Variants in TAFA4 observed in about 807,000 individuals in gnomAD.
TAFA4 encodes the protein chemokine-like protein TAFA-4.
Under a neutral mutation model 21.1 loss-of-function variants are expected in TAFA4, and 20 were observed. The ratio of observed to expected loss-of-function variants is 0.95; its 90% CI spans 0.67 to 1.38. The LOEUF is 1.38. Ranked by LOEUF, TAFA4 falls within the 40% of genes most tolerant of loss-of-function variation. The pLI is 0.00. For missense variants in TAFA4, 211 were observed against 180.9 expected (o/e 1.17, Z -0.95); for synonymous variants, 71 against 67.4 (o/e 1.05, Z -0.26).
chr3:68,862,288 TAAGTGCATAAAACAA>T (rs2089355384), intron 3 of TAFA4, among the ~76,000 whole-genome samples: 1 of 152,152 alleles, frequency 6.6e-6, no homozygotes, highest in Non-Finnish European at 1.5e-5. Flanking sequence ...ACACATATTG[TAAGTGCATAAAACAA>T]AATTCATAGG....
At chr3:68,759,587 TA>T (rs1702723540) in intron 3 of TAFA4, among the ~76,000 whole-genome samples, 1 of 152,182 alleles carries the variant, frequency 6.6e-6, no homozygotes. Context: ...ATTTTTCCTC[TA>T]AAACAGCAGG....
chr3:68,751,413 G>A (rs1702555300), intron 4 of TAFA4, among the ~76,000 whole-genome samples: 1 of 152,158 alleles, frequency 6.6e-6, no homozygotes, highest in Admixed American at 6.5e-5. Context: ...ACGTAGCAGT[G>A]GGGATGGAGA....
At chr3:68,827,909 G>C (rs1704290629) in intron 3 of TAFA4, among the ~76,000 whole-genome samples, 1 of 152,088 alleles carries the variant, frequency 6.6e-6, no homozygotes, top group African/African-American at 2.4e-5. Flanking sequence ...GTCAAGTTTG[G>C]CTTTTGTTGC....
At chr3:68,860,009 T>A (rs2089312843) in intron 3 of TAFA4, among the ~76,000 whole-genome samples, 1 of 152,132 alleles carries the variant, frequency 6.6e-6, no homozygotes, top group Non-Finnish European at 1.5e-5. Context: ...CATCTTAGAC[T>A]GGGGAGTTGG....
intron 4 of TAFA4, among the ~76,000 whole-genome samples, chr3:68,749,650 C>T (rs1001557922): frequency 1.3e-5 from 2 of 152,338 alleles, no homozygotes; most frequent in East Asian, 1.9e-4. Flanking sequence ...ATCCAATAAA[C>T]ATTTATTGAA....
At chr3:68,770,977 C>T (rs748248427) in intron 3 of TAFA4, among the ~76,000 whole-genome samples, 8 of 152,164 alleles carry the variant, frequency 5.3e-5, no homozygotes, top group Non-Finnish European at 1.0e-4. Context: ...GAGCAGGACA[C>T]ACCAGCAGAC....
intron 1 of TAFA4, among the ~76,000 whole-genome samples, chr3:68,892,393 C>G (rs1039849785): frequency 2.0e-5 from 3 of 152,128 alleles, no homozygotes; most frequent in Admixed American, 1.3e-4. Flanking sequence ...AATACCATCT[C>G]ATCTAAATTA....
chr3:68,808,344 T>A (rs936512587), intron 3 of TAFA4, among the ~76,000 whole-genome samples: 1 of 152,166 alleles, frequency 6.6e-6, no homozygotes, highest in Non-Finnish European at 1.5e-5. Context: ...TCTCATGACC[T>A]CTCTAATCCA....
chr3:68,779,401 A>G (rs1284422124), intron 3 of TAFA4, among the ~76,000 whole-genome samples: 1 of 152,188 alleles, frequency 6.6e-6, no homozygotes, highest in South Asian at 2.1e-4. Context: ...CAATGGGAAA[A>G]TGTCTCCAGG....
intron 3 of TAFA4, among the ~76,000 whole-genome samples, chr3:68,837,399 G>T (rs935322765): frequency 6.6e-6 from 1 of 152,216 alleles, no homozygotes; most frequent in Non-Finnish European, 1.5e-5. Flanking sequence ...CCATGAGGAC[G>T]TAAGTGATCT....
chr3:68,834,243 C>T (rs1704468925), intron 3 of TAFA4, among the ~76,000 whole-genome samples: 1 of 152,154 alleles, frequency 6.6e-6, no homozygotes, highest in South Asian at 2.1e-4. Flanking sequence ...ACCTACCCTG[C>T]TAAGGACATC....
At chr3:68,788,756 C>T (rs947438001) in intron 3 of TAFA4, among the ~76,000 whole-genome samples, 2 of 151,796 alleles carry the variant, frequency 1.3e-5, no homozygotes, top group Non-Finnish European at 2.9e-5. Context: ...GGACTACAGG[C>T]ACACGCCACC....
At chr3:68,750,617 C>T (rs994395512) in intron 4 of TAFA4, among the ~76,000 whole-genome samples, 2 of 152,102 alleles carry the variant, frequency 1.3e-5, no homozygotes, top group African/African-American at 2.4e-5. Context: ...TTTGCCCATA[C>T]ATACAATTTA....
chr3:68,825,950 C>T (rs905526129), intron 3 of TAFA4, among the ~76,000 whole-genome samples: 1 of 152,180 alleles, frequency 6.6e-6, no homozygotes, highest in African/African-American at 2.4e-5. Flanking sequence ...CAAAGGTCAA[C>T]ATCACAATGA....
At chr3:68,806,199 A>G (rs1703694583) in intron 3 of TAFA4, among the ~76,000 whole-genome samples, 2 of 152,070 alleles carry the variant, frequency 1.3e-5, no homozygotes, top group Admixed American at 1.3e-4. Context: ...AAAAAATAAT[A>G]CTTTCCCCGA....
chr3:68,844,273 C>A lies in TAFA4; in HGVS notation c.130+36457G>T, dbSNP rs182745263. Among the ~76,000 whole-genome samples, 3 of 152,138 alleles carry A rather than the reference C, an allele frequency of 2.0e-5. No individual in the cohort carries two copies. In the East Asian group the frequency reaches 5.8e-4, roughly 29 times the overall value. On this transcript the variant is annotated intron_variant, in intron 3 of 5. Transcript: ENST00000295569. Reference sequence around the variant, plus strand: ...GGGTGTATGTGTCCAGGAATTTATCCATTTCTTCTAGATTTTCTAGTTTAT... The same window carrying A: ...GGGTGTATGTGTCCAGGAATTTATCAATTTCTTCTAGATTTTCTAGTTTAT...
At chr3:68,782,808 C>T (rs1429648201) in intron 3 of TAFA4, among the ~76,000 whole-genome samples, 1 of 152,126 alleles carries the variant, frequency 6.6e-6, no homozygotes, top group East Asian at 1.9e-4. Context: ...TGAAGACAGT[C>T]TGGAACTAGA....
rs1702295661 is a variant in TAFA4 at position 68,739,064 on chromosome 3, TCTATACTTGC to T, written c.411+1_411+10del. The T allele has an allele frequency of 1.9e-6, 3 of 1,612,268 alleles. No homozygotes were observed. ...ACTTGTAAATTGTAGTTGCATTTTG[TCTATACTTGC>T]CTTCGTAGTTTTGACTTTATTGCCA... is the stretch of plus-strand genomic sequence containing the variant. On this transcript the variant is annotated splice_donor_variant and splice_donor_5th_base_variant and intron_variant, in intron 5 of 5. Coordinates refer to ENST00000295569, the MANE Select transcript of TAFA4 (RefSeq NM_182522.5). LOFTEE classifies it high-confidence loss of function.
In TAFA4 at chr3:68,806,103, T is replaced by C. The variant is rs529996940; in HGVS notation, c.131-53085A>G. ...GTGTGACTTTAAGTACCTGACAACATTGTGAACACTGTAAAAAGCAATATG... is the reference window on the plus strand; with the variant it reads ...GTGTGACTTTAAGTACCTGACAACACTGTGAACACTGTAAAAAGCAATATG... On this transcript the variant is annotated intron_variant, in intron 3 of 5. Coordinates refer to ENST00000295569, the MANE Select transcript of TAFA4 (RefSeq NM_182522.5). Among the ~76,000 whole-genome samples the C allele has an allele frequency of 1.1e-4, 16 of 152,274 alleles. 1 individual carries two copies. Among genetic ancestry groups the C allele is most frequent in the Admixed American group, 1.0e-3 (16 of 15,290 alleles).
Sources: allele counts gnomAD v4.1 joint callset (sites outside exome capture counted in the v4.1 genomes callset), GRCh38; gene constraint gnomAD v4.1.1; transcripts MANE v1.5; gene names NCBI Gene and HGNC (gene_info 2026-07-23, HGNC 2026-07-21).